The following TG variants were observed in gnomAD, a reference collection of about 807,000 sequenced individuals.
TG encodes the protein thyroglobulin, also known as thyroid hormones.
Under a neutral mutation model 324.7 loss-of-function variants are expected in TG, and 270 were observed. That is an observed-to-expected ratio of 0.83 (90% CI 0.75 to 0.92). TG has a LOEUF of 0.92. Ranked by LOEUF, TG falls within the 40% of genes least tolerant of loss-of-function variation. TG has a pLI of 0.00. For synonymous variants in TG, 1,401 were observed against 1,327.0 expected (o/e 1.06, Z -1.21); for missense variants, 3,591 against 3,456.4 (o/e 1.04, Z -0.98).
At position 133,067,885 on chromosome 8, in the gene TG, AGT is replaced by A. The variant is rs1843287927; in HGVS notation, c.7240-27158_7240-27157del. On this transcript the variant is annotated intron_variant, in intron 41 of 47. Transcript: ENST00000220616. ...AAGAAAGAAAGGAAGGAAGGAAGGAAGTATGTATGGAAGGAAGGAAGGAAGGA... is the reference window on the plus strand; with the variant it reads ...AAGAAAGAAAGGAAGGAAGGAAGGAAATGTATGGAAGGAAGGAAGGAAGGA... Among the ~76,000 whole-genome samples, 5 of 131,668 alleles carry A rather than the reference AGT, an allele frequency of 3.8e-5. No homozygotes were observed. The South Asian group carries it at 1.3e-3, about 33-fold the overall frequency. 86.4% of individuals were successfully genotyped at this position (131,668 alleles called of 152,430 possible).
At chr8:132,875,901 C>G (rs1028784523) in intron 5 of TG, among the ~76,000 whole-genome samples, 1 of 151,952 alleles carries the variant, frequency 6.6e-6, no homozygotes, top group African/African-American at 2.4e-5. Context: ...TCTCTGGGCA[C>G]AGTGGAAGGA....
At chr8:133,131,706 G>T in intron 45 of TG, 106 bp from the exon 46 acceptor site, 1 of 1,507,292 alleles carries the variant, frequency 6.6e-7, no homozygotes, top group East Asian at 2.3e-5. Flanking sequence ...ATATAAAGAA[G>T]GGAAAGTCTT....
At chr8:133,093,692 T>C (rs974535697) in intron 41 of TG, among the ~76,000 whole-genome samples, 5 of 152,192 alleles carry the variant, frequency 3.3e-5, no homozygotes, top group African/African-American at 1.2e-4. Context: ...CACATGTCCC[T>C]TCTTGAGCTT....
rs1165085307 is a variant in TG, at chr8:132,893,818, C to A, written c.2890C>A (p.Arg964=). The change falls in exon 11 of 48, where the codon CGG becomes AGG. Residue 964 remains arginine, a synonymous_variant. Coordinates refer to ENST00000220616, the MANE Select transcript of TG (RefSeq NM_003235.5). ...GESFLVAKGI[R]LRNEDLGLPP... ...GAGTTTCCTGGTGGCCAAGGGAATC[C>A]GGCTGAGGAATGAGGACCTCGGCCT... is the stretch of plus-strand genomic sequence containing the variant. 6.2e-7 allele frequency: 1 copy of A among 1,613,974 alleles called. No individual in the cohort carries two copies. Among genetic ancestry groups the A allele is most frequent in the Admixed American group, 1.7e-5 (1 of 60,010 alleles).
intron 35 of TG, among the ~76,000 whole-genome samples, chr8:133,003,863 A>G (rs899332950): frequency 6.6e-6 from 1 of 152,086 alleles, no homozygotes; most frequent in African/African-American, 2.4e-5. Flanking sequence ...CCTGGGTGCA[A>G]ACACTGACTT....
At chr8:132,980,272 T>C (rs79240879) in intron 34 of TG, among the ~76,000 whole-genome samples, 1,573 of 152,088 alleles carry the variant, frequency 0.01, 34 homozygotes, top group African/African-American at 0.036. Flanking sequence ...CCCTCCCCTA[T>C]CTCCAAGAAG....
At chr8:133,102,410 G>A in intron 43 of TG, 1 of 677,752 alleles carries the variant, frequency 1.5e-6, no homozygotes, top group Admixed American at 2.6e-5. Context: ...CACCAGCAGA[G>A]ACCCACCCAT....
At chr8:132,919,604 C>T in intron 21 of TG, 79 bp downstream of exon 21, 4 of 1,578,478 alleles carry the variant, frequency 2.5e-6, no homozygotes, top group Non-Finnish European at 3.5e-6. Flanking sequence ...AATCTCTGCA[C>T]TATTGACATT....
chr8:133,032,601 T>C (rs1836739335), intron 41 of TG, among the ~76,000 whole-genome samples: 1 of 152,260 alleles, frequency 6.6e-6, no homozygotes, highest in African/African-American at 2.4e-5. Context: ...TTGGGATGCA[T>C]GTGAAATTAT....
chr8:132,872,597 A>G (rs571564500), intron 4 of TG, among the ~76,000 whole-genome samples: 4 of 152,274 alleles, frequency 2.6e-5, no homozygotes, highest in African/African-American at 4.8e-5. Context: ...AAAGTCTACA[A>G]CAGTGCACAT....
intron 11 of TG, among the ~76,000 whole-genome samples, chr8:132,896,126 T>A (rs1817063154): frequency 1.3e-5 from 2 of 152,250 alleles, no homozygotes; most frequent in Admixed American, 6.5e-5. Flanking sequence ...CACTTGGTGT[T>A]TAACACCTAT....
At chr8:133,077,771 A>ATG (rs939200739) in intron 41 of TG, among the ~76,000 whole-genome samples, 1 of 135,290 alleles carries the variant, frequency 7.4e-6, no homozygotes, top group African/African-American at 2.9e-5. Context: ...GTGTGTTTGT[A>ATG]TGTGTGTGTG....
chr8:133,104,910 C>T (rs1028596632), intron 43 of TG, among the ~76,000 whole-genome samples: 4 of 152,194 alleles, frequency 2.6e-5, no homozygotes, highest in Non-Finnish European at 5.9e-5. Flanking sequence ...ACTGACTTCA[C>T]CAAGCTCTGC....
Position 132,940,587 on chromosome 8 carries a change from G to C in TG, c.5042-764G>C, listed in dbSNP as rs75426230. ...TGCTTCTGAAAATGTAAAAGAGCAA[G>C]GTAGCTTGATGGGGAGGGTGTAAGG... On this transcript the variant is annotated intron_variant, in intron 25 of 47. Coordinates refer to ENST00000220616, the MANE Select transcript of TG (RefSeq NM_003235.5). Among the ~76,000 whole-genome samples the C allele has an allele frequency of 4.2e-3, 641 of 152,350 alleles. 11 individuals carry two copies. The East Asian group carries it at 0.066, about 16-fold the overall frequency.
intron 34 of TG, among the ~76,000 whole-genome samples, chr8:132,976,107 T>C (rs1429684861): frequency 2.6e-5 from 4 of 152,164 alleles, no homozygotes; most frequent in African/African-American, 9.7e-5. Flanking sequence ...CTAGAACACT[T>C]ATCAGTAAAG....
chr8:132,933,716 G>T (rs550002264), intron 24 of TG, 40 bp downstream of exon 24: 3 of 1,579,630 alleles, frequency 1.9e-6, no homozygotes, highest in East Asian at 2.2e-5. Context: ...CTCCTCATCC[G>T]CTGTGGATCA....
chr8:132,887,928 C>T (rs1815659903), intron 9 of TG, 56 bp from the exon 10 acceptor site: 1 of 1,506,070 alleles, frequency 6.6e-7, no homozygotes, highest in Admixed American at 1.9e-5. Context: ...TTATCTTGGT[C>T]TTTCCAGTTT....
chr8:133,031,068 A>G (rs780628034), intron 41 of TG, among the ~76,000 whole-genome samples: 1 of 152,214 alleles, frequency 6.6e-6, no homozygotes, highest in Non-Finnish European at 1.5e-5. Context: ...TTGTGCAACC[A>G]TTACTACTAT....
At chr8:133,029,231 T>C (rs1042598981) in intron 40 of TG, among the ~76,000 whole-genome samples, 1 of 140,872 alleles carries the variant, frequency 7.1e-6, no homozygotes, top group African/African-American at 2.7e-5. Flanking sequence ...TCATTTTATT[T>C]AAAAAAAAAA....
Sources: gnomAD v4.1 joint callset for allele counts (sites outside exome capture counted in the v4.1 genomes callset) on GRCh38, gnomAD v4.1.1 for gene constraint, MANE v1.5 for transcripts, NCBI Gene and HGNC (gene_info 2026-07-23, HGNC 2026-07-21) for gene names.